MATN1: variants seen among roughly 807,000 people sequenced by gnomAD.
MATN1 encodes matrilin-1.
In MATN1, 34 loss-of-function variants were observed where a neutral mutation model predicts 41.3. The ratio of observed to expected loss-of-function variants is 0.82; its 90% CI spans 0.63 to 1.10. The LOEUF (loss-of-function observed/expected upper bound fraction) is 1.10, where lower values mean the gene tolerates loss of function less well. Among genes scored for constraint, MATN1 ranks in the 50% least tolerant of loss-of-function variants. The probability of loss-of-function intolerance (pLI) is 0.00; values close to 1 mark genes in which losing one functional copy is unlikely to be tolerated. For missense variants in MATN1, 602 were observed against 662.4 expected (o/e 0.91, Z 1.00); for synonymous variants, 264 against 278.7 (o/e 0.95, Z 0.53).
chr1:30,721,647 C>G lies in MATN1; in HGVS notation c.199G>C (p.Val67Leu). 6.2e-7 allele frequency: 1 copy of G among 1,613,492 alleles called. No homozygotes were observed. Among genetic ancestry groups the G allele is most frequent in the Non-Finnish European group, 8.5e-7 (1 of 1,180,038 alleles). Residue 67 changes from valine (V) to leucine (L), a missense_variant, in exon 2 of 8, where the codon GTC (valine) becomes CTC (leucine). Val to Leu is a conservative substitution (Grantham distance 32, BLOSUM62 1). Coordinates refer to ENST00000373765, the MANE Select transcript of MATN1 (RefSeq NM_002379.3). ...GGCCCCACGTCCAGCGACTCGATGA[C>G]CTGGGACAGGAATACCTTCACTTTC... ...FEKVKVFLSQ[V>L]IESLDVGPNA...
chr1:30,718,602 C>CCCCCCCCCT, intron 3 of MATN1, 133 bp downstream of exon 3: 1 of 207,254 alleles, frequency 4.8e-6, no homozygotes, highest in Non-Finnish European at 8.8e-6. Context: ...CCCCCCCCGG[C>CCCCCCCCCT]CCCGCCCCTG....
chr1:30,716,784 A>G lies in MATN1; in HGVS notation c.790+6T>C. On this transcript the variant is annotated splice_donor_region_variant and intron_variant, in intron 4 of 7. Transcript: ENST00000373765. ...TCCAGGGCGAGCCTGTGTCCACCCC[A>G]CTGACCATTGCAGGTCTTGCCGTCG... 6.2e-7 allele frequency: 1 copy of G among 1,613,426 alleles called. No homozygotes were observed.
rs1397226312 is a variant in MATN1 at position 30,716,913 on chromosome 1, C to T, written c.667G>A (p.Val223Met). The T allele has an allele frequency of 6.2e-7, 1 of 1,612,224 alleles. No homozygotes were observed. The highest frequency in any genetic ancestry group is 1.1e-5 in the South Asian group (1 of 90,776). ...TCCCCTGTGGCGCACAGGTCTGACA[C>T]CACTGCGGGGACAATAAGTAGCTCA... Reference protein sequence around the residue: ...SRKFQEAFCVVSDLCATGDHD... With the variant: ...SRKFQEAFCVMSDLCATGDHD... Residue 223 changes from valine to methionine, a missense_variant and splice_region_variant, in exon 4 of 8, where the codon GTG (valine) becomes ATG (methionine). By Grantham distance (21) the Val-to-Met change is conservative. Coordinates refer to ENST00000373765, the MANE Select transcript of MATN1 (RefSeq NM_002379.3).
chr1:30,717,042 A>C, intron 3 of MATN1, 127 bp from the exon 4 acceptor site: 4 of 1,077,750 alleles, frequency 3.7e-6, no homozygotes, highest in Non-Finnish European at 5.1e-6. Flanking sequence ...TCTCCAACAT[A>C]CTGGGGCCCA....
Position 30,714,299 on chromosome 1 carries a change from C to T in MATN1, c.1389G>A (p.Leu463=), listed in dbSNP as rs147561335. The T allele has an allele frequency of 1.1e-5, 17 of 1,611,000 alleles. No individual in the cohort carries two copies. The highest frequency in any genetic ancestry group is 1.3e-5 in the African/African-American group (1 of 74,894). Residue 463 remains leucine (L), a synonymous_variant, in exon 7 of 8, where the codon CTG becomes CTA. Coordinates refer to ENST00000373765, the MANE Select transcript of MATN1 (RefSeq NM_002379.3). ...CCTCCACTTTGGCTTGGAATTTCAC[C>T]AGGGACTCGCAGGCACACGGGTCTT... ...VEEDPCACES[L]VKFQAKVEGL...
intron 3 of MATN1, 118 bp from the exon 4 acceptor site, chr1:30,717,033 C>A: frequency 8.5e-7 from 1 of 1,170,196 alleles, no homozygotes; most frequent in Non-Finnish European, 1.2e-6. Context: ...AAACTAAGAT[C>A]TCCAACATAC....
At chr1:30,714,582 TG>T (rs1476645566) in intron 6 of MATN1, among the ~76,000 whole-genome samples, 1 of 152,204 alleles carries the variant, frequency 6.6e-6, no homozygotes, top group Admixed American at 6.5e-5. Context: ...CTGTACCTGC[TG>T]CATGAAGAAC....
chr1:30,713,807 G>A (rs1639583394), intron 7 of MATN1, 176 bp from the exon 8 acceptor site: 2 of 648,046 alleles, frequency 3.1e-6, no homozygotes, highest in South Asian at 3.5e-5. Context: ...CAGTTACTGT[G>A]AGCCACGAGT....
rs770360334 is a variant in MATN1, at chr1:30,716,102, G to T, written c.1014C>A (p.Ile338=). The part of the protein sequence containing the change: ...PLGRFHTKKD[I]KAAVRNMSYM... ...AGGACATATTCCGCACAGCCGCCTT[G>T]ATGTCCTTCTTGGTGTGGAAGCGAC... is the stretch of plus-strand genomic sequence containing the variant. The change falls in exon 5 of 8, where the codon ATC becomes ATA. Residue 338 remains isoleucine, a synonymous_variant. Coordinates refer to ENST00000373765, the MANE Select transcript of MATN1 (RefSeq NM_002379.3). The T allele has an allele frequency of 2.5e-6, 4 of 1,614,234 alleles. No homozygotes were observed. In the Admixed American group the frequency reaches 6.7e-5, roughly 27 times the overall value.
intron 3 of MATN1, among the ~76,000 whole-genome samples, chr1:30,717,420 C>G (rs1280180358): frequency 6.6e-6 from 1 of 152,096 alleles, no homozygotes; most frequent in Non-Finnish European, 1.5e-5. Flanking sequence ...TCCCAAAGAC[C>G]CACACACACA....
In MATN1 at chr1:30,716,273, G is replaced by A. The variant is rs367627173; in HGVS notation, c.843C>T (p.Asp281=). The A allele has an allele frequency of 2.5e-5, 40 of 1,614,030 alleles. No individual in the cohort carries two copies. Among genetic ancestry groups the A allele is most frequent in the East Asian group, 6.7e-5 (3 of 44,902 alleles). ...TCTCTGGCCTCACACTCTTGGATCC[G>A]TCAATGAGGAAGACCAGGTCAGTGG... ...SSATDLVFLI[D]GSKSVRPENF... is the part of the protein sequence containing the mutation. The change falls in exon 5 of 8, where the codon GAC becomes GAT. Residue 281 remains aspartate (D), a synonymous_variant. Coordinates refer to ENST00000373765, the MANE Select transcript of MATN1 (RefSeq NM_002379.3).
chr1:30,713,971 C>A (rs1191846452), intron 7 of MATN1: 1 of 580,446 alleles, frequency 1.7e-6, no homozygotes, highest in African/African-American at 1.9e-5. Context: ...CATCCATGGG[C>A]TCCATGTTCT....
At chr1:30,722,430 G>A (rs181765854) in intron 1 of MATN1, among the ~76,000 whole-genome samples, 15 of 152,354 alleles carry the variant, frequency 9.8e-5, no homozygotes, top group East Asian at 1.9e-4. Context: ...ACACACCCCC[G>A]AGGAGCAATG....
In MATN1 at chr1:30,718,919, G is replaced by A. The variant is rs1169878826; in HGVS notation, c.480C>T (p.Ser160=). The change falls in exon 3 of 8, where the codon AGC becomes AGT. Residue 160 remains serine, a synonymous_variant. Transcript: ENST00000373765. ...GGGCCCGCGCAGACACGTCCTGCAC[G>A]CTGTCCTGGGGCCTCCCGTCTGTCA... ...IVVTDGRPQD[S]VQDVSARARA... is the part of the protein sequence containing the mutation. 1 of 1,555,402 alleles carries A rather than the reference G, an allele frequency of 6.4e-7. No individual in the cohort carries two copies. The highest frequency in any genetic ancestry group is 8.6e-7 in the Non-Finnish European group (1 of 1,156,182).
intron 5 of MATN1, among the ~76,000 whole-genome samples, chr1:30,715,698 A>G (rs1218490406): frequency 6.6e-6 from 1 of 152,244 alleles, no homozygotes; most frequent in Non-Finnish European, 1.5e-5. Context: ...CCTCACTTAC[A>G]AAAGGACCAT....
chr1:30,720,059 C>T (rs1639677591), intron 2 of MATN1: 1 of 152,024 alleles, frequency 6.6e-6, no homozygotes, highest in African/African-American at 2.4e-5. Flanking sequence ...TCTTCCTCTC[C>T]AGGGGCCTGG....
rs374719198 is a variant in MATN1 at position 30,721,507 on chromosome 1, C to A, written c.339G>T (p.Pro113=). Residue 113 remains proline (P), a synonymous_variant, in exon 2 of 8, where the codon CCG becomes CCT. Transcript: ENST00000373765. ...ALLQAVRRIQ[P]LSTGTMTGLA... is the part of the protein sequence containing the mutation. ...GGCCGGTCATGGTGCCTGTGGACAG[C>A]GGCTGGATACGGCGCACAGCCTGCA... is the stretch of plus-strand genomic sequence containing the variant. 6.2e-7 allele frequency: 1 copy of A among 1,613,244 alleles called. No homozygotes were observed. Among genetic ancestry groups the A allele is most frequent in the Admixed American group, 1.7e-5 (1 of 60,028 alleles).
At position 30,715,162 on chromosome 1, in the gene MATN1, C is replaced by G; in HGVS notation, c.1355G>C (p.Cys452Ser). The stretch of plus-strand genomic sequence containing the variant: ...CCAGCCCTGGCCTCACTCACCCACA[C>G]AGATCTTCTTCTGCAACTTCTTGCC... ...QIGKKLQKKI[C>S]VEEDPCACES... Residue 452 changes from cysteine (C) to serine (S), a missense_variant, in exon 6 of 8, where the codon TGT becomes TCT. Physicochemically the swap from Cys to Ser is moderately radical, Grantham distance 112 (BLOSUM62 -1). Coordinates refer to ENST00000373765, the MANE Select transcript of MATN1 (RefSeq NM_002379.3). The G allele has an allele frequency of 6.2e-7, 1 of 1,614,184 alleles. No homozygotes were observed. The highest frequency in any genetic ancestry group is 8.5e-7 in the Non-Finnish European group (1 of 1,179,994).
Position 30,715,908 on chromosome 1 carries a change from C to T in MATN1, c.1207+1G>A, listed in dbSNP as rs763609782. On this transcript the variant is annotated splice_donor_variant, in intron 5 of 7. Transcript: ENST00000373765. LOFTEE classifies it high-confidence loss of function. ...CCAGGGTCCAGGCAGGCAACACCTA[C>T]CGAGGTCTTTGGCCTTCTTGGCAGC... The T allele has an allele frequency of 6.2e-7, 1 of 1,610,712 alleles. No homozygotes were observed. Among genetic ancestry groups the T allele is most frequent in the Non-Finnish European group, 8.5e-7 (1 of 1,177,568 alleles).
Sources: allele counts gnomAD v4.1 joint callset (sites outside exome capture counted in the v4.1 genomes callset), GRCh38; gene constraint gnomAD v4.1.1; transcripts MANE v1.5; gene names NCBI Gene and HGNC (gene_info 2026-07-23, HGNC 2026-07-21).